The following HEPACAM2 variants were observed in gnomAD, a reference collection of about 807,000 sequenced individuals.
HEPACAM2 encodes mitotic kinetics regulator.
HEPACAM2 carries 49 observed loss-of-function variants against 49.6 expected under a neutral mutation model. The observed-to-expected ratio is 0.99, with a 90% CI of 0.78 to 1.25. The LOEUF (loss-of-function observed/expected upper bound fraction) is 1.25, where lower values mean the gene tolerates loss of function less well. HEPACAM2 is among the 50% of genes most tolerant of loss of function. The probability of loss-of-function intolerance (pLI) is 0.00; values close to 1 mark genes in which losing one functional copy is unlikely to be tolerated. For missense variants in HEPACAM2, 525 were observed against 557.2 expected, an observed-to-expected ratio of 0.94 and a Z score of 0.58; for synonymous variants, 197 against 202.9, an observed-to-expected ratio of 0.97 and a Z score of 0.25.
At chr7:93,194,992 CT>C (rs1441970410) in intron 8 of HEPACAM2, among the ~76,000 whole-genome samples, 1 of 144,558 alleles carries the variant, frequency 6.9e-6, no homozygotes, top group Non-Finnish European at 1.5e-5. Context: ...TCTCATGCAC[CT>C]TTAGGGCAAT....
chr7:93,231,998 G>A, the HEPACAM2 span, among the ~76,000 whole-genome samples: 3 of 151,890 alleles, frequency 2.0e-5, no homozygotes, highest in Admixed American at 1.3e-4. Flanking sequence ...CTCCCACCCC[G>A]CCCCTCTAGA....
intron 3 of HEPACAM2, among the ~76,000 whole-genome samples, chr7:93,211,757 C>T (rs1225708459): frequency 6.6e-6 from 1 of 151,844 alleles, no homozygotes; most frequent in African/African-American, 2.4e-5. Flanking sequence ...GAGGAATTTA[C>T]CGTAGTTTGG....
At chr7:93,196,849 G>T (rs942161760) in intron 7 of HEPACAM2, among the ~76,000 whole-genome samples, 1 of 152,144 alleles carries the variant, frequency 6.6e-6, no homozygotes, top group Non-Finnish European at 1.5e-5. Context: ...GGATGGAGCT[G>T]CCAGCATGAA....
intron 9 of HEPACAM2, 95 bp from the exon 10 acceptor site, chr7:93,189,365 C>A (rs1172691672): frequency 6.6e-6 from 5 of 759,110 alleles, no homozygotes; most frequent in East Asian, 5.6e-5. Context: ...CTTTCCAGGG[C>A]TACAGATTAG....
At chr7:93,209,813 T>C (rs1455303282) in intron 3 of HEPACAM2, among the ~76,000 whole-genome samples, 2 of 151,970 alleles carry the variant, frequency 1.3e-5, no homozygotes, top group Non-Finnish European at 2.9e-5. Flanking sequence ...TGTAAATATT[T>C]ATAAAAGACA....
At chr7:93,232,192 G>A in the HEPACAM2 span, 20 of 394,716 alleles carry the variant, frequency 5.1e-5, no homozygotes, top group African/African-American at 4.2e-4. Context: ...CGCAGTGGTC[G>A]CTCTGAGCAG....
At chr7:93,210,213 A>G (rs540050204) in intron 3 of HEPACAM2, among the ~76,000 whole-genome samples, 83 of 152,126 alleles carry the variant, frequency 5.5e-4, no homozygotes, top group Middle Eastern at 3.4e-3. Flanking sequence ...TCAGCTGATC[A>G]TTACCAATAT....
chr7:93,201,522 T>C (rs1473280871), intron 4 of HEPACAM2, among the ~76,000 whole-genome samples: 1 of 152,100 alleles, frequency 6.6e-6, no homozygotes, highest in African/African-American at 2.4e-5. Flanking sequence ...TCAATAGTTA[T>C]ACCACTTACT....
In HEPACAM2 at chr7:93,215,382, T is replaced by TA. The variant is rs71107888; in HGVS notation, c.715+18dup. The TA allele has an allele frequency of 4.7e-4, 744 of 1,577,240 alleles. No homozygotes were observed. Among genetic ancestry groups the TA allele is most frequent in the Admixed American group, 3.6e-3 (209 of 58,596 alleles). On this transcript the variant is annotated intron_variant, in intron 3 of 9. Transcript: ENST00000394468. Reference sequence around the variant, plus strand: ...AAACAACAAAAAACAACTCATGAGTTAAAAAAAAATAAACTTACAATATAT... The same window carrying TA: ...AAACAACAAAAAACAACTCATGAGTTAAAAAAAAAATAAACTTACAATATAT...
In HEPACAM2 at chr7:93,208,620, C is replaced by A. The variant is rs770374759; in HGVS notation, c.972G>T (p.Arg324Ser). 14 of 1,612,812 alleles carry A rather than the reference C, an allele frequency of 8.7e-6. No homozygotes were observed. Among genetic ancestry groups the A allele is most frequent in the Non-Finnish European group, 1.7e-6 (2 of 1,179,286 alleles). Residue 324 changes from arginine (R) to serine (S), a missense_variant, in exon 4 of 10, where the codon AGG (arginine) becomes AGT (serine). Physicochemically the swap from Arg to Ser is moderately radical, Grantham distance 110. Coordinates refer to ENST00000394468, the MANE Select transcript of HEPACAM2 (RefSeq NM_001039372.4). Reference sequence around the variant, plus strand: ...TAACTGTGAAATGAGTTTCATCTTGCCTGCCGGTTATGTTGTTGTAAGCAC... The same window carrying A: ...TAACTGTGAAATGAGTTTCATCTTGACTGCCGGTTATGTTGTTGTAAGCAC... The part of the protein sequence containing the change: ...VCCAYNNITG[R>S]QDETHFTVII...
chr7:93,222,097 T>C (rs1050574383), intron 1 of HEPACAM2, among the ~76,000 whole-genome samples: 1 of 152,092 alleles, frequency 6.6e-6, no homozygotes, highest in African/African-American at 2.4e-5. Context: ...TCAAAATTAG[T>C]GATGTCTAAG....
At chr7:93,213,873 C>A (rs1308172533) in intron 3 of HEPACAM2, among the ~76,000 whole-genome samples, 1 of 151,920 alleles carries the variant, frequency 6.6e-6, no homozygotes, top group Admixed American at 6.6e-5. Context: ...AGAAGGCAAC[C>A]AGATGAAGAA....
rs1794391453 is a variant in HEPACAM2 at position 93,219,248 on chromosome 7, G to T, written c.283C>A (p.Gln95Lys). ...GGTGGCATCATGGTGAACTTGTGTT[G>T]GTATTCCAAGTCAGGAACCACAGAC... Reference protein sequence around the residue: ...NKSVVPDLEYQHKFTMMPPNA... With the variant: ...NKSVVPDLEYKHKFTMMPPNA... Residue 95 changes from glutamine to lysine, a missense_variant, in exon 2 of 10, where the codon CAA (glutamine) becomes AAA (lysine). Physicochemically the swap from Gln to Lys is moderately conservative, Grantham distance 53. Transcript: ENST00000394468. The T allele has an allele frequency of 1.2e-6, 2 of 1,613,954 alleles. No homozygotes were observed. The highest frequency in any genetic ancestry group is 2.2e-5 in the East Asian group (1 of 44,870).
intron 4 of HEPACAM2, among the ~76,000 whole-genome samples, chr7:93,199,174 G>A (rs1040266963): frequency 6.6e-6 from 1 of 152,028 alleles, no homozygotes; most frequent in Non-Finnish European, 1.5e-5. Context: ...TTCTTAAAAT[G>A]TTATTCTATG....
chr7:93,191,486 T>C (rs1263537800), intron 9 of HEPACAM2, among the ~76,000 whole-genome samples: 9 of 152,190 alleles, frequency 5.9e-5, no homozygotes, highest in Admixed American at 5.9e-4. Flanking sequence ...AGTTTCTGTA[T>C]GTGGTTATTG....
intron 4 of HEPACAM2, among the ~76,000 whole-genome samples, chr7:93,206,596 T>C (rs2188508): frequency 0.93 from 141,330 of 152,096 alleles, 65,774 homozygotes; most frequent in East Asian, 1. Flanking sequence ...CCACTAAACA[T>C]GTGGCTATTT....
intron 4 of HEPACAM2, among the ~76,000 whole-genome samples, chr7:93,202,902 C>T (rs550463136): frequency 1.3e-5 from 2 of 152,218 alleles, no homozygotes; most frequent in Admixed American, 1.3e-4. Flanking sequence ...GTTCCCTTCT[C>T]CTTCATTTTT....
intron 4 of HEPACAM2, among the ~76,000 whole-genome samples, chr7:93,207,477 G>C (rs1263145284): frequency 6.6e-6 from 1 of 151,838 alleles, no homozygotes; most frequent in Non-Finnish European, 1.5e-5. Context: ...GAAAGGGAAG[G>C]GGAGAGGGAG....
In HEPACAM2 at chr7:93,197,486, T is replaced by A; in HGVS notation, c.1137A>T (p.Lys379Asn). Reference protein sequence around the residue: ...LFLWKKYQPYKVIKQKLEGRP... With the variant: ...LFLWKKYQPYNVIKQKLEGRP... The stretch of plus-strand genomic sequence containing the variant: ...TTTTTTTTTGTAATTTTAACCTACC[T>A]TTGTAGGGTTGATATTTTTTCCATA... Residue 379 changes from lysine (K) to asparagine (N), a missense_variant and splice_region_variant, in exon 5 of 10, where the codon AAA becomes AAT. By Grantham distance (94) the Lys-to-Asn change is moderately conservative (BLOSUM62 0). Coordinates refer to ENST00000394468, the MANE Select transcript of HEPACAM2 (RefSeq NM_001039372.4). 6 of 1,590,108 alleles carry A rather than the reference T, an allele frequency of 3.8e-6. No homozygotes were observed. The highest frequency in any genetic ancestry group is 5.1e-6 in the Non-Finnish European group (6 of 1,166,826).
Sources: gnomAD v4.1 joint callset for allele counts (sites outside exome capture counted in the v4.1 genomes callset) on GRCh38, gnomAD v4.1.1 for gene constraint, MANE v1.5 for transcripts, NCBI Gene and HGNC (gene_info 2026-07-23, HGNC 2026-07-21) for gene names.